ABCC4: variants seen among roughly 807,000 people sequenced by gnomAD.
ABCC4 encodes the protein ATP binding cassette subfamily C member 4 (PEL blood group), also known as ATP-binding cassette sub-family C member 4.
Under a neutral mutation model 168.5 loss-of-function variants are expected in ABCC4, and 102 were observed. The observed-to-expected ratio is 0.61, with a 90% confidence interval of 0.52 to 0.71. ABCC4 has a LOEUF of 0.71. Among genes scored for constraint, ABCC4 ranks in the 30% least tolerant of loss-of-function variants. The pLI is 0.00. For missense variants in ABCC4, 1,402 were observed against 1,605.8 expected (o/e 0.87, Z 2.17); for synonymous variants, 617 against 590.7 (o/e 1.04, Z -0.65).
At chr13:95,294,329 C>T (rs1451414054) in intron 1 of ABCC4, among the ~76,000 whole-genome samples, 1 of 152,094 alleles carries the variant, frequency 6.6e-6, no homozygotes, top group East Asian at 1.9e-4. Flanking sequence ...CGCCACTGCA[C>T]TCTAGCCTGC....
intron 1 of ABCC4, among the ~76,000 whole-genome samples, chr13:95,300,081 C>A (rs1384958447): frequency 1.3e-5 from 2 of 152,204 alleles, no homozygotes; most frequent in African/African-American, 4.8e-5. Context: ...ACCTCGTGAT[C>A]CACCCACCTC....
chr13:95,082,953 G>A (rs941271346), intron 21 of ABCC4, among the ~76,000 whole-genome samples, 187 bp downstream of exon 21: 4 of 152,026 alleles, frequency 2.6e-5, no homozygotes, highest in Admixed American at 1.3e-4. Context: ...AAAGTTGCAC[G>A]TTGCAGGCTA....
chr13:95,174,367 C>T (rs1213618819), intron 13 of ABCC4, among the ~76,000 whole-genome samples: 2 of 152,190 alleles, frequency 1.3e-5, no homozygotes, highest in East Asian at 1.9e-4. Flanking sequence ...TCAACACAAC[C>T]GCCATCTTTC....
chr13:95,073,580 T>A, intron 23 of ABCC4: 1 of 261,500 alleles, frequency 3.8e-6, no homozygotes. Flanking sequence ...ATAATGTCAT[T>A]ATTCAGACAT....
At chr13:95,204,457 G>A (rs963432998) in intron 8 of ABCC4, among the ~76,000 whole-genome samples, 5 of 152,212 alleles carry the variant, frequency 3.3e-5, no homozygotes, top group Admixed American at 6.5e-5. Flanking sequence ...CCCCTGTGCT[G>A]TTCTAGTGAT....
intron 3 of ABCC4, among the ~76,000 whole-genome samples, chr13:95,245,589 C>G (rs1489928448): frequency 6.6e-6 from 1 of 152,208 alleles, no homozygotes; most frequent in South Asian, 2.1e-4. Context: ...CAAGTCAGTT[C>G]CACCGGTTAT....
intron 1 of ABCC4, among the ~76,000 whole-genome samples, chr13:95,267,029 A>G (rs889807229): frequency 1.3e-5 from 2 of 151,866 alleles, no homozygotes; most frequent in African/African-American, 4.8e-5. Flanking sequence ...ACCTGCCACC[A>G]TGCCCAGCTA....
At chr13:95,153,977 T>C (rs1436118715) in intron 19 of ABCC4, among the ~76,000 whole-genome samples, 5 of 151,008 alleles carry the variant, frequency 3.3e-5, no homozygotes, top group African/African-American at 1.2e-4. Flanking sequence ...CATATAACCA[T>C]TGTTATGTGA....
intron 17 of ABCC4, 48 bp from the exon 18 acceptor site, chr13:95,163,264 G>A (rs1215582898): frequency 2.4e-6 from 3 of 1,276,400 alleles, no homozygotes; most frequent in African/African-American, 3.0e-5. Flanking sequence ...ATGAAATTTA[G>A]ATAAATACAT....
chr13:95,271,536 G>C (rs965180008), intron 1 of ABCC4, among the ~76,000 whole-genome samples: 4 of 152,130 alleles, frequency 2.6e-5, no homozygotes, highest in Non-Finnish European at 5.9e-5. Context: ...TAAAACCACA[G>C]CAAGTATTTG....
At chr13:95,023,338 CTT>C (rs2031206344) in intron 30 of ABCC4, among the ~76,000 whole-genome samples, 1 of 151,796 alleles carries the variant, frequency 6.6e-6, no homozygotes, top group Non-Finnish European at 1.5e-5. Flanking sequence ...TTGATTTGAC[CTT>C]TCTTTTTCTC....
intron 20 of ABCC4, 42 bp from the exon 21 acceptor site, chr13:95,083,332 T>C (rs572996946): frequency 1.9e-6 from 3 of 1,602,844 alleles, no homozygotes; most frequent in Non-Finnish European, 2.6e-6. Flanking sequence ...TTATCAAGTA[T>C]TCTTTTCAAA....
chr13:95,215,716 T>C (rs898955071), intron 4 of ABCC4, among the ~76,000 whole-genome samples: 13 of 152,200 alleles, frequency 8.5e-5, no homozygotes, highest in Admixed American at 2.6e-4. Flanking sequence ...AATATCTGAA[T>C]ATTAACAATA....
intron 19 of ABCC4, among the ~76,000 whole-genome samples, chr13:95,155,246 T>C (rs1483189347): frequency 6.6e-6 from 1 of 151,686 alleles, no homozygotes; most frequent in Non-Finnish European, 1.5e-5. Flanking sequence ...TGGAGTGCAG[T>C]GATGCAATCA....
intron 8 of ABCC4, among the ~76,000 whole-genome samples, chr13:95,200,903 G>A (rs1383332460): frequency 2.0e-5 from 3 of 151,994 alleles, no homozygotes; most frequent in Admixed American, 6.6e-5. Flanking sequence ...TCTAAAGGAA[G>A]AAAAAACAAA....
chr13:95,099,066 A>G (rs921068451), intron 20 of ABCC4, among the ~76,000 whole-genome samples: 1 of 152,236 alleles, frequency 6.6e-6, no homozygotes, highest in East Asian at 1.9e-4. Flanking sequence ...GTGTACCCAT[A>G]AACACTTCTA....
chr13:95,207,905 G>A lies in ABCC4; in HGVS notation c.806C>T (p.Thr269Met), dbSNP rs1315214214. Residue 269 changes from threonine (T) to methionine (M), a missense_variant, in exon 7 of 31, where the codon ACG becomes ATG. By Grantham distance (81) the Thr-to-Met change is moderately conservative. This residue lies in a region of ABCC4 where 317 missense variants were observed against 345.5 expected (regional missense o/e 0.92). Transcript: ENST00000645237. ...ATTCATGGTCCTGATCCTGGCATCC[G>A]TGAAAGTTGCAGTTTTACTCCTAAG... Reference protein sequence around the residue: ...SSLRSKTATFTDARIRTMNEV... With the variant: ...SSLRSKTATFMDARIRTMNEV... 6.8e-6 allele frequency: 11 copies of A among 1,613,534 alleles called. No homozygotes were observed. The highest frequency in any genetic ancestry group is 2.2e-5 in the East Asian group (1 of 44,862).
intron 29 of ABCC4, among the ~76,000 whole-genome samples, chr13:95,035,653 G>A (rs1050891176): frequency 3.9e-5 from 6 of 152,116 alleles, no homozygotes; most frequent in Non-Finnish European, 5.9e-5. Context: ...ATGTCCACTG[G>A]AAATTGAAAG....
At chr13:95,301,194 C>T in intron 1 of ABCC4, 47 bp downstream of exon 1, 3 of 1,535,640 alleles carry the variant, frequency 2.0e-6, no homozygotes, top group Middle Eastern at 1.7e-4. Flanking sequence ...AGTGCGTCCG[C>T]GGCGCCAGCG....
Sources: gnomAD v4.1 joint callset for allele counts (sites outside exome capture counted in the v4.1 genomes callset) on GRCh38, gnomAD v4.1.1 for gene constraint, gnomAD v4.1.1 regional missense constraint, MANE v1.5 for transcripts, NCBI Gene and HGNC (gene_info 2026-07-23, HGNC 2026-07-21) for gene names.